The following DEUP1 variants were observed in gnomAD, a reference collection of about 807,000 sequenced individuals.
DEUP1 encodes deuterosome assembly protein 1.
In DEUP1, 82 loss-of-function variants were observed where a neutral mutation model predicts 87.4. The ratio of observed to expected loss-of-function variants is 0.94; its 90% CI spans 0.78 to 1.13. The LOEUF (loss-of-function observed/expected upper bound fraction) is 1.13, where lower values mean the gene tolerates loss of function less well. Among genes scored for constraint, DEUP1 ranks in the 50% most tolerant of loss-of-function variants. The pLI is 0.00. For missense variants in DEUP1, 663 were observed against 681.5 expected (o/e 0.97, Z 0.30); for synonymous variants, 214 against 222.7 (o/e 0.96, Z 0.35).
chr11:93,373,724 A>C (rs1027032438), intron 7 of DEUP1, among the ~76,000 whole-genome samples: 1 of 150,496 alleles, frequency 6.6e-6, no homozygotes, highest in African/African-American at 2.4e-5. Flanking sequence ...ATATTTTTGC[A>C]ATTGCAAATT....
intron 2 of DEUP1, among the ~76,000 whole-genome samples, chr11:93,350,035 T>C (rs1212304111): frequency 6.6e-6 from 1 of 152,110 alleles, no homozygotes; most frequent in Non-Finnish European, 1.5e-5. Context: ...AGGAGTATAT[T>C]TGGCTTTCTC....
intron 11 of DEUP1, among the ~76,000 whole-genome samples, chr11:93,405,275 T>C (rs1382471112): frequency 6.6e-6 from 1 of 151,986 alleles, no homozygotes; most frequent in Non-Finnish European, 1.5e-5. Flanking sequence ...CTGCCTCCTT[T>C]ATTTTTATCA....
At chr11:93,394,346 A>AAT in intron 9 of DEUP1, 113 bp from the exon 10 acceptor site, 1 of 655,956 alleles carries the variant, frequency 1.5e-6, no homozygotes, top group Non-Finnish European at 2.5e-6. Flanking sequence ...AAGGAGGGTG[A>AAT]AGTGGGCCCT....
Position 93,364,311 on chromosome 11 carries a change from T to C in DEUP1, c.432+17T>C, listed in dbSNP as rs1474214156. 6.3e-7 allele frequency: 1 copy of C among 1,599,452 alleles called. No individual in the cohort carries two copies. ...AAATTAGAGGTGAGATATATTATCT[T>C]AGTTTCTTCATGTGTATTAAAGATT... is the stretch of plus-strand genomic sequence containing the variant. On this transcript the variant is annotated intron_variant, in intron 5 of 13. Transcript: ENST00000298050.
intron 5 of DEUP1, 119 bp downstream of exon 5, chr11:93,364,413 A>G (rs1026428925): frequency 1.1e-5 from 9 of 821,916 alleles, no homozygotes; most frequent in Non-Finnish European, 1.8e-5. Context: ...CACTATTACA[A>G]ACTAACTTCT....
intron 13 of DEUP1, 167 bp downstream of exon 13, chr11:93,415,281 A>C (rs955511081): frequency 2.6e-6 from 1 of 387,766 alleles, no homozygotes; most frequent in Middle Eastern, 6.1e-4. Flanking sequence ...CTATCTACAG[A>C]AGGAAAAGAT....
At chr11:93,380,757 T>A (rs932077333) in intron 7 of DEUP1, among the ~76,000 whole-genome samples, 2 of 152,092 alleles carry the variant, frequency 1.3e-5, no homozygotes, top group Non-Finnish European at 2.9e-5. Context: ...TATGAGGAAG[T>A]TTACCAATAT....
rs528376341 is a variant in DEUP1, at chr11:93,370,694, T to C, written c.547-344T>C. Among the ~76,000 whole-genome samples the C allele has an allele frequency of 1.4e-4, 22 of 152,340 alleles. No individual in the cohort carries two copies. In the South Asian group the frequency reaches 4.6e-3, roughly 32 times the overall value. ...AACTTTTCCCCTACAATCAAATTGT[T>C]TGTTTTTATTTATTTTTGGTTATAG... On this transcript the variant is annotated intron_variant, in intron 6 of 13. Transcript: ENST00000298050.
intron 13 of DEUP1, among the ~76,000 whole-genome samples, chr11:93,415,896 A>G (rs1216441893): frequency 6.6e-6 from 1 of 152,078 alleles, no homozygotes; most frequent in African/African-American, 2.4e-5. Flanking sequence ...TCATTCTACT[A>G]TGGATGGACA....
chr11:93,414,597 T>C (rs554954167), intron 12 of DEUP1, among the ~76,000 whole-genome samples: 9 of 152,196 alleles, frequency 5.9e-5, no homozygotes, highest in African/African-American at 2.2e-4. Flanking sequence ...TGAGGTTAAG[T>C]GTAAAAGAGA....
intron 2 of DEUP1, among the ~76,000 whole-genome samples, chr11:93,349,871 C>G (rs985796936): frequency 2.0e-5 from 3 of 152,046 alleles, no homozygotes; most frequent in Non-Finnish European, 4.4e-5. Context: ...CTATCACTTG[C>G]ATTTAGCAGA....
intron 2 of DEUP1, among the ~76,000 whole-genome samples, chr11:93,353,150 G>T (rs1325885718): frequency 6.6e-6 from 1 of 152,180 alleles, no homozygotes; most frequent in African/African-American, 2.4e-5. Context: ...TACAGGTATT[G>T]GGTAAATGCA....
At chr11:93,334,767 GC>G (rs1440796957) in intron 2 of DEUP1, among the ~76,000 whole-genome samples, 2 of 152,140 alleles carry the variant, frequency 1.3e-5, no homozygotes, top group East Asian at 1.9e-4. Context: ...TTGTATTTGT[GC>G]CATAATAATC....
intron 11 of DEUP1, among the ~76,000 whole-genome samples, chr11:93,397,124 A>C (rs1946968810): frequency 1.3e-5 from 2 of 152,216 alleles, no homozygotes; most frequent in Non-Finnish European, 2.9e-5. Context: ...TATGTTAATT[A>C]CTTAATTAGG....
intron 11 of DEUP1, among the ~76,000 whole-genome samples, chr11:93,399,147 C>A (rs1424664921): frequency 6.6e-6 from 1 of 151,768 alleles, no homozygotes; most frequent in East Asian, 1.9e-4. Context: ...TCTGAGTTTC[C>A]TTCCTTGACT....
intron 13 of DEUP1, among the ~76,000 whole-genome samples, chr11:93,432,207 G>A (rs1397556181): frequency 1.3e-5 from 2 of 152,156 alleles, no homozygotes; most frequent in Non-Finnish European, 2.9e-5. Flanking sequence ...GAAGAGGATG[G>A]GGCTCAAGGA....
chr11:93,415,864 A>G (rs1947603981), intron 13 of DEUP1, among the ~76,000 whole-genome samples: 1 of 151,972 alleles, frequency 6.6e-6, no homozygotes, highest in South Asian at 2.1e-4. Flanking sequence ...TACCACATTC[A>G]ATGACAATAA....
At chr11:93,388,641 T>C (rs1946666273) in intron 8 of DEUP1, among the ~76,000 whole-genome samples, 1 of 152,218 alleles carries the variant, frequency 6.6e-6, no homozygotes, top group Non-Finnish European at 1.5e-5. Flanking sequence ...CATAGTTCCT[T>C]TCCACAATAC....
chr11:93,376,956 A>G (rs563300660), intron 7 of DEUP1, among the ~76,000 whole-genome samples: 1 of 152,204 alleles, frequency 6.6e-6, no homozygotes, highest in South Asian at 2.1e-4. Context: ...TTGATTTCCA[A>G]TTTTATCCCA....
Sources: allele counts gnomAD v4.1 joint callset (sites outside exome capture counted in the v4.1 genomes callset), GRCh38; gene constraint gnomAD v4.1.1; transcripts MANE v1.5; gene names NCBI Gene and HGNC (gene_info 2026-07-23, HGNC 2026-07-21).